The following SYNE1 variants were observed in gnomAD, a reference collection of about 807,000 sequenced individuals.
SYNE1 encodes the protein nesprin-1.
Under a neutral mutation model 1,111.0 loss-of-function variants are expected in SYNE1, and 616 were observed. The ratio of observed to expected loss-of-function variants is 0.55; its 90% CI spans 0.52 to 0.59. The LOEUF (loss-of-function observed/expected upper bound fraction) is 0.59, where lower values mean the gene tolerates loss of function less well. SYNE1 is among the 20% of genes least tolerant of loss of function. The probability of loss-of-function intolerance (pLI) is 0.00; values close to 1 mark genes in which losing one functional copy is unlikely to be tolerated. For missense variants in SYNE1, 10,006 were observed against 10,417.0 expected (o/e 0.96, Z 1.72); for synonymous variants, 3,855 against 3,825.8 (o/e 1.01, Z -0.28).
intron 116 of SYNE1, among the ~76,000 whole-genome samples, chr6:152,225,102 T>A (rs967287811): frequency 1.3e-5 from 2 of 151,734 alleles, no homozygotes; most frequent in Non-Finnish European, 2.9e-5. Context: ...GAGATAGGTA[T>A]GATCATTATC....
chr6:152,359,311 G>C lies in SYNE1; in HGVS notation c.10443+4C>G. 1.9e-6 allele frequency: 3 copies of C among 1,613,750 alleles called. No individual in the cohort carries two copies. The highest frequency in any genetic ancestry group is 2.5e-6 in the Non-Finnish European group (3 of 1,179,942). ...GAGTCTACAAGGAAAGTGCTTTGCC[G>C]TACCTTGGCCCTCTCTTGGATGGCT... On this transcript the variant is annotated splice_donor_region_variant and intron_variant, in intron 65 of 145. Coordinates refer to ENST00000367255, the MANE Select transcript of SYNE1 (RefSeq NM_182961.4).
At chr6:152,275,839 T>C (rs922356121) in intron 98 of SYNE1, among the ~76,000 whole-genome samples, 7 of 145,928 alleles carry the variant, frequency 4.8e-5, no homozygotes, top group Non-Finnish European at 8.9e-5. Flanking sequence ...TGAGATTGCG[T>C]CCCTGCACTC....
intron 10 of SYNE1, among the ~76,000 whole-genome samples, chr6:152,500,417 C>T (rs1028728317): frequency 3.0e-4 from 46 of 152,194 alleles, no homozygotes; most frequent in African/African-American, 1.1e-3. Flanking sequence ...ATGTTTGTGC[C>T]CCAATCCTGG....
chr6:152,141,351 G>T (rs1585995691), intron 138 of SYNE1, 22 bp from the exon 139 acceptor site: 1 of 1,613,122 alleles, frequency 6.2e-7, no homozygotes, highest in Non-Finnish European at 8.5e-7. Context: ...TAAACAACCG[G>T]CCCCTGTCAC....
At chr6:152,216,266 C>T (rs2078634548) in intron 121 of SYNE1, among the ~76,000 whole-genome samples, 2 of 152,178 alleles carry the variant, frequency 1.3e-5, no homozygotes, top group African/African-American at 4.8e-5. Context: ...CACAGTCCTT[C>T]CCCTCGTGGC....
intron 4 of SYNE1, among the ~76,000 whole-genome samples, chr6:152,531,142 A>G (rs551770372): frequency 1.3e-5 from 2 of 152,292 alleles, no homozygotes; most frequent in Admixed American, 6.5e-5. Context: ...GTCAATTTGG[A>G]TATGCCAACA....
At chr6:152,594,757 ACCT>A (rs1435192401) in intron 3 of SYNE1, among the ~76,000 whole-genome samples, 27 of 152,062 alleles carry the variant, frequency 1.8e-4, no homozygotes, top group African/African-American at 6.5e-4. Flanking sequence ...GTCAGTCTCC[ACCT>A]CCTCAACTCT....
chr6:152,152,359 A>G (rs1459329960), intron 133 of SYNE1, among the ~76,000 whole-genome samples: 2 of 152,148 alleles, frequency 1.3e-5, no homozygotes, highest in African/African-American at 4.8e-5. Flanking sequence ...AAATATGAAA[A>G]TGGGGAGTAG....
intron 145 of SYNE1, chr6:152,125,384 A>C: frequency 6.5e-7 from 1 of 1,536,722 alleles, no homozygotes; most frequent in Non-Finnish European, 8.8e-7. Flanking sequence ...TATCCTGCAG[A>C]TCATCAAATC....
At chr6:152,520,726 T>C (rs1007015601) in intron 5 of SYNE1, among the ~76,000 whole-genome samples, 184 bp from the exon 6 acceptor site, 4 of 152,202 alleles carry the variant, frequency 2.6e-5, no homozygotes, top group Non-Finnish European at 4.4e-5. Flanking sequence ...TCTGAAGATA[T>C]ACTAATTCAC....
intron 63 of SYNE1, among the ~76,000 whole-genome samples, chr6:152,363,108 C>T (rs1020474019): frequency 6.6e-6 from 1 of 150,534 alleles, no homozygotes; most frequent in Non-Finnish European, 1.5e-5. Flanking sequence ...GTCTTGATCT[C>T]CTGACCTTGT....
In SYNE1 at chr6:152,249,279, C is replaced by T. The variant is rs764198291; in HGVS notation, c.19471-17G>A. The stretch of plus-strand genomic sequence containing the variant: ...CAGATCATTCTAAGGAGGAAAGCAA[C>T]GGGAAAACTCAAAATGTGTAACAGG... On this transcript the variant is annotated splice_polypyrimidine_tract_variant and intron_variant, in intron 104 of 145. Transcript: ENST00000367255. The T allele has an allele frequency of 4.2e-5, 61 of 1,450,782 alleles. No individual in the cohort carries two copies. In the Middle Eastern group the frequency reaches 1.4e-3, roughly 33 times the overall value. The allele number at this position is 1,450,782 out of a possible 1,614,324, so 89.9% of individuals were successfully genotyped here.
intron 66 of SYNE1, among the ~76,000 whole-genome samples, chr6:152,358,021 A>C (rs1157742601): frequency 6.6e-6 from 1 of 152,188 alleles, no homozygotes; most frequent in East Asian, 1.9e-4. Context: ...TCACCTTCTA[A>C]TGACTTCTGC....
At position 152,125,248 on chromosome 6, in the gene SYNE1, G is replaced by A. The variant is rs1318643553; in HGVS notation, c.26154-2572C>T. On this transcript the variant is annotated intron_variant, in intron 145 of 145. Transcript: ENST00000367255. ...AGGAATAATGGTAATGGTAATTCAGGTCGTATTCATTTCACAGGTATCTCA... is the reference window on the plus strand; with the variant it reads ...AGGAATAATGGTAATGGTAATTCAGATCGTATTCATTTCACAGGTATCTCA... 3.2e-6 allele frequency: 5 copies of A among 1,549,562 alleles called. No individual in the cohort carries two copies. The Admixed American group carries it at 9.8e-5, about 30-fold the overall frequency.
At chr6:152,455,080 C>T (rs1348983201) in intron 24 of SYNE1, among the ~76,000 whole-genome samples, 1 of 152,172 alleles carries the variant, frequency 6.6e-6, no homozygotes, top group Non-Finnish European at 1.5e-5. Context: ...AAAATGAGCA[C>T]AAAGGACTTA....
chr6:152,486,055 C>T (rs1427748054), intron 12 of SYNE1, among the ~76,000 whole-genome samples: 1 of 151,822 alleles, frequency 6.6e-6, no homozygotes, highest in South Asian at 2.1e-4. Flanking sequence ...ATTAGCTGAG[C>T]ATAGTGGCGC....
At chr6:152,537,752 T>C (rs1051828546) in intron 4 of SYNE1, among the ~76,000 whole-genome samples, 3 of 152,182 alleles carry the variant, frequency 2.0e-5, no homozygotes, top group Non-Finnish European at 4.4e-5. Flanking sequence ...CCTAATTGAA[T>C]ACCCTTTATT....
At chr6:152,557,434 G>C (rs929301645) in intron 3 of SYNE1, among the ~76,000 whole-genome samples, 1 of 151,988 alleles carries the variant, frequency 6.6e-6, no homozygotes, top group Non-Finnish European at 1.5e-5. Context: ...CCCAAATCTA[G>C]ACTGGGAAAT....
intron 130 of SYNE1, among the ~76,000 whole-genome samples, chr6:152,165,171 G>A (rs983675434): frequency 5.9e-5 from 9 of 151,870 alleles, no homozygotes; most frequent in Non-Finnish European, 1.2e-4. Context: ...CAAACCACAG[G>A]TGCCAACTAC....
Sources: gnomAD v4.1 joint callset for allele counts (sites outside exome capture counted in the v4.1 genomes callset) on GRCh38, gnomAD v4.1.1 for gene constraint, MANE v1.5 for transcripts, NCBI Gene and HGNC (gene_info 2026-07-23, HGNC 2026-07-21) for gene names.